Variants in GKN1 observed in about 807,000 individuals in gnomAD.
GKN1 encodes the protein gastrokine 1.
GKN1 carries 17 observed loss-of-function variants against 19.7 expected under a neutral mutation model. That is an observed-to-expected ratio of 0.86 (90% CI 0.59 to 1.29). The LOEUF is 1.29. Ranked by LOEUF, GKN1 falls within the 50% of genes most tolerant of loss-of-function variation. The pLI is 0.00. For synonymous variants in GKN1, 96 were observed against 78.3 expected, an observed-to-expected ratio of 1.23 and a Z score of -1.20; for missense variants, 218 against 224.5, an observed-to-expected ratio of 0.97 and a Z score of 0.19.
In GKN1 at chr2:68,979,979, G is replaced by A; in HGVS notation, c.382G>A (p.Val128Ile). The A allele has an allele frequency of 1.9e-6, 3 of 1,613,678 alleles. No individual in the cohort carries two copies. The highest frequency in any genetic ancestry group is 2.5e-6 in the Non-Finnish European group (3 of 1,179,566). The stretch of plus-strand genomic sequence containing the variant: ...GATGTACTCAGTCAACCCAAACAAA[G>A]TCGATGACCTGAGCAAGTTCGGAAA... ...GLMYSVNPNK[V>I]DDLSKFGKNI... Residue 128 changes from valine (V) to isoleucine (I), a missense_variant, in exon 5 of 6, where the codon GTC becomes ATC. By Grantham distance (29) the Val-to-Ile change is conservative (BLOSUM62 3). Coordinates refer to ENST00000377938, the MANE Select transcript of GKN1 (RefSeq NM_019617.4).
chr2:68,975,058 G>A (rs1349602144), intron 1 of GKN1, among the ~76,000 whole-genome samples: 1 of 152,000 alleles, frequency 6.6e-6, no homozygotes, highest in Middle Eastern at 3.2e-3. Context: ...TATAGAGAAG[G>A]ATAATTGTGC....
chr2:68,978,529 T>C (rs1293606271), intron 3 of GKN1, among the ~76,000 whole-genome samples: 1 of 152,196 alleles, frequency 6.6e-6, no homozygotes, highest in Non-Finnish European at 1.5e-5. Context: ...ATTTTTGTCT[T>C]ATCTGTCTCC....
chr2:68,980,921 TC>T lies in GKN1; in HGVS notation c.*99del, dbSNP rs1218550528. ...TTTTACCATGTCATTCTGAAATTTT[TC>T]TCTACTAGTTATGTTTGATTTCTTT... On this transcript the variant is annotated 3_prime_UTR_variant, in exon 6 of 6. Coordinates refer to ENST00000377938, the MANE Select transcript of GKN1 (RefSeq NM_019617.4). 1.8e-4 allele frequency: 122 copies of T among 687,878 alleles called. 1 individual carries two copies. The highest frequency in any genetic ancestry group is 8.0e-5 in the South Asian group (5 of 62,296). 42.6% of individuals were successfully genotyped at this position (687,878 alleles called of 1,614,324 possible). A position where few individuals can be genotyped will look rare whatever the true frequency, so the allele number is the denominator to read the frequency against.
chr2:68,979,170 A>G (rs1316809765), intron 4 of GKN1, among the ~76,000 whole-genome samples, 189 bp downstream of exon 4: 1 of 152,114 alleles, frequency 6.6e-6, no homozygotes, highest in African/African-American at 2.4e-5. Context: ...GCTCACACCT[A>G]CCTCTACAAC....
intron 3 of GKN1, 62 bp from the exon 4 acceptor site, chr2:68,978,809 C>A (rs1486223163): frequency 3.5e-6 from 3 of 867,534 alleles, no homozygotes; most frequent in Non-Finnish European, 5.7e-6. Context: ...GTGGAACTGA[C>A]CTCTGATAAG....
In GKN1 at chr2:68,979,036, G is replaced by A. The variant is rs937253575; in HGVS notation, c.315+55G>A. On this transcript the variant is annotated intron_variant, in intron 4 of 5. Transcript: ENST00000377938. ...GAGGGGAGAGGTTTTACATCCTTCAGTAAATAACGAGAAGATCACAGTCAT... is the reference window on the plus strand; with the variant it reads ...GAGGGGAGAGGTTTTACATCCTTCAATAAATAACGAGAAGATCACAGTCAT... The A allele has an allele frequency of 2.1e-5, 17 of 818,472 alleles. No homozygotes were observed. The South Asian group carries it at 2.4e-4, about 11-fold the overall frequency. The allele number at this position is 818,472 out of a possible 1,614,324, so 50.7% of individuals were successfully genotyped here.
At chr2:68,974,752 T>C (rs896120958) in intron 1 of GKN1, 63 bp downstream of exon 1, 14 of 1,097,516 alleles carry the variant, frequency 1.3e-5, no homozygotes, top group Non-Finnish European at 1.8e-5. Flanking sequence ...TATTCTGAGA[T>C]TTAGGAGGTC....
chr2:68,980,595 A>C, intron 5 of GKN1, 134 bp from the exon 6 acceptor site: 1 of 614,234 alleles, frequency 1.6e-6, no homozygotes. Context: ...GAATTGATTG[A>C]TTTCATCACA....
chr2:68,979,326 C>T (rs1670323930), intron 4 of GKN1, among the ~76,000 whole-genome samples: 1 of 152,220 alleles, frequency 6.6e-6, no homozygotes, highest in Non-Finnish European at 1.5e-5. Flanking sequence ...AGAAGATATC[C>T]AGTTAGGTTT....
intron 3 of GKN1, among the ~76,000 whole-genome samples, chr2:68,978,304 A>AAGAAAGAAAGAAAGAAAGAAAG (rs1670306225): frequency 7.5e-6 from 1 of 134,122 alleles, no homozygotes; most frequent in African/African-American, 3.3e-5. Flanking sequence ...AAGAGAGAGA[A>AAGAAAGAAAGAAAGAAAGAAAG]AGAAAGAAAA....
Position 68,977,512 on chromosome 2 carries a change from T to C in GKN1, c.30T>C (p.Leu10=). 1 of 1,610,708 alleles carries C rather than the reference T, an allele frequency of 6.2e-7. No individual in the cohort carries two copies. The highest frequency in any genetic ancestry group is 8.5e-7 in the Non-Finnish European group (1 of 1,177,186). MKFTIVFAG[L]LGVFLAPALA... is the part of the protein sequence containing the mutation. ...GATTTCAGATTGTCTTTGCTGGACT[T>C]CTTGGAGTCTTTCTAGCTCCTGCCC... is the stretch of plus-strand genomic sequence containing the variant. The change falls in exon 2 of 6, where the codon CTT becomes CTC. Residue 10 remains leucine, a synonymous_variant. Coordinates refer to ENST00000377938, the MANE Select transcript of GKN1 (RefSeq NM_019617.4).
rs545930683 is a variant in GKN1, at chr2:68,979,720, A to G, written c.316-193A>G. ...GAAGCTGAGGTTTCAAACCAGCTAA[A>G]TCCCTTAGGACACTTAGAAATGCTA... On this transcript the variant is annotated intron_variant, in intron 4 of 5. Coordinates refer to ENST00000377938, the MANE Select transcript of GKN1 (RefSeq NM_019617.4). Among the ~76,000 whole-genome samples, 7 of 152,306 alleles carry G rather than the reference A, an allele frequency of 4.6e-5. No individual in the cohort carries two copies. In the South Asian group the frequency reaches 1.5e-3, roughly 32 times the overall value.
intron 1 of GKN1, 58 bp downstream of exon 1, chr2:68,974,747 T>C: frequency 8.8e-7 from 1 of 1,140,770 alleles, no homozygotes; most frequent in Non-Finnish European, 1.3e-6. Context: ...GTCAATATTC[T>C]GAGATTTAGG....
intron 3 of GKN1, among the ~76,000 whole-genome samples, chr2:68,978,376 A>G (rs61185885): frequency 0.084 from 12,751 of 151,690 alleles, 825 homozygotes; most frequent in East Asian, 0.24. Context: ...AGAAGCAAAG[A>G]AAGAGAGGAG....
Position 68,980,810 on chromosome 2 carries a change from C to T in GKN1, c.545C>T (p.Thr182Met), listed in dbSNP as rs763256234. 33 of 1,532,022 alleles carry T rather than the reference C, an allele frequency of 2.2e-5. 1 individual carries two copies. The highest frequency in any genetic ancestry group is 3.4e-4 in the Middle Eastern group (2 of 5,936). 94.9% of individuals were successfully genotyped at this position (1,532,022 alleles called of 1,614,324 possible). Residue 182 changes from threonine to methionine, a missense_variant, in exon 6 of 6, where the codon ACG (threonine) becomes ATG (methionine). Transcript: ENST00000377938. ...GTGGACATTTCCTTCTGTGGAGACACGGTGGAGAACTAAACAATTTTTTAA... is the reference window on the plus strand; with the variant it reads ...GTGGACATTTCCTTCTGTGGAGACATGGTGGAGAACTAAACAATTTTTTAA... ...WIVDISFCGD[T>M]VEN
intron 1 of GKN1, 115 bp downstream of exon 1, chr2:68,974,804 A>T: frequency 1.4e-6 from 1 of 738,954 alleles, no homozygotes; most frequent in Non-Finnish European, 2.4e-6. Flanking sequence ...TTTTAAAAAA[A>T]TTCTCTCTTC....
chr2:68,980,772 T>A lies in GKN1; in HGVS notation c.507T>A (p.Ser169Arg). 1 of 1,600,170 alleles carries A rather than the reference T, an allele frequency of 6.2e-7. No homozygotes were observed. The highest frequency in any genetic ancestry group is 1.3e-5 in the African/African-American group (1 of 74,766). The stretch of plus-strand genomic sequence containing the variant: ...ACTCAGGAACGTGCTACACGACCAG[T>A]GTACTATGGATTGTGGACATTTCCT... Reference protein sequence around the residue: ...FFYSGTCYTTSVLWIVDISFC... With the variant: ...FFYSGTCYTTRVLWIVDISFC... The change falls in exon 6 of 6, where the codon AGT becomes AGA. Residue 169 changes from serine (S) to arginine (R), a missense_variant. By Grantham distance (110) the Ser-to-Arg change is moderately radical. Coordinates refer to ENST00000377938, the MANE Select transcript of GKN1 (RefSeq NM_019617.4).
At chr2:68,974,828 CAG>C (rs1670228376) in intron 1 of GKN1, 139 bp downstream of exon 1, 1 of 649,338 alleles carries the variant, frequency 1.5e-6, no homozygotes, top group African/African-American at 1.8e-5. Flanking sequence ...CACATGGACA[CAG>C]AGAGGGGAAC....
At chr2:68,977,421 T>C (rs1387433184) in intron 1 of GKN1, 74 bp from the exon 2 acceptor site, 3 of 1,019,976 alleles carry the variant, frequency 2.9e-6, no homozygotes, top group Non-Finnish European at 4.7e-6. Flanking sequence ...ATACTTTTCA[T>C]AAGCTTGGAT....
Sources: gnomAD v4.1 joint callset for allele counts (sites outside exome capture counted in the v4.1 genomes callset) on GRCh38, gnomAD v4.1.1 for gene constraint, MANE v1.5 for transcripts, NCBI Gene and HGNC (gene_info 2026-07-23, HGNC 2026-07-21) for gene names.